AMOT: variants seen among roughly 807,000 people sequenced by gnomAD.
The protein encoded by AMOT is angiomotin.
In AMOT, 11 loss-of-function variants were observed where a neutral mutation model predicts 67.0. The observed-to-expected ratio is 0.16, with a 90% CI of 0.10 to 0.27. The LOEUF (loss-of-function observed/expected upper bound fraction) is 0.27, where lower values mean the gene tolerates loss of function less well. AMOT is among the 10% of genes least tolerant of loss of function. AMOT has a pLI of 1.00. For synonymous variants in AMOT, 326 were observed against 321.4 expected, an observed-to-expected ratio of 1.01 and a Z score of -0.15; for missense variants, 753 against 852.0, an observed-to-expected ratio of 0.88 and a Z score of 1.45.
At position 112,784,086 on chromosome X, in the gene AMOT, A is replaced by G. The variant is rs185585627; in HGVS notation, c.2118-1424T>C. On this transcript the variant is annotated intron_variant, in intron 10 of 13. Transcript: ENST00000371959. ...TATGGAATGATGAAATAATTGGAGA[A>G]CAAGAAGGGGAAAGAATACAATGGC... 1.0e-3 allele frequency among the ~76,000 whole-genome samples: 114 copies of G among 112,376 alleles called. 2 individuals are homozygous for G. The highest frequency in any genetic ancestry group is 9.5e-3 in the Admixed American group (101 of 10,595).
intron 1 of AMOT, among the ~76,000 whole-genome samples, chrX:112,837,705 A>C (rs540585237): frequency 5.4e-5 from 6 of 111,412 alleles, no homozygotes; most frequent in African/African-American, 1.6e-4. Context: ...ATTTGGACCA[A>C]AGTCCACAAA....
At chrX:112,804,898 T>TC in intron 8 of AMOT, 49 bp downstream of exon 8, 1 of 837,584 alleles carries the variant, frequency 1.2e-6, no homozygotes, top group Non-Finnish European at 1.7e-6. Context: ...GTCCCCGATT[T>TC]CCCAGCCCTC....
intron 7 of AMOT, among the ~76,000 whole-genome samples, chrX:112,807,916 A>G (rs1307324479): frequency 9.0e-6 from 1 of 111,486 alleles, no homozygotes; most frequent in Non-Finnish European, 1.9e-5. Flanking sequence ...CATGTTTCTG[A>G]ATCAAATCAT....
chrX:112,836,151 G>A (rs922252673), intron 1 of AMOT, among the ~76,000 whole-genome samples: 1 of 111,642 alleles, frequency 9.0e-6, no homozygotes, highest in African/African-American at 3.3e-5. Context: ...TCTCATTCTG[G>A]AGATTTCATA....
In AMOT at chrX:112,815,742, G is replaced by T; in HGVS notation, c.1008C>A (p.His336Gln). ...PPSTRLSPAR[H>Q]PLVPNQGDHS... ...GGTCTCCCTGGTTTGGGACCAAGGG[G>T]TGTCGGGCAGGAGACAATCTAGTGG... The change falls in exon 5 of 14, where the codon CAC (histidine) becomes CAA (glutamine). Residue 336 changes from histidine (H) to glutamine (Q), a missense_variant. By Grantham distance (24) the His-to-Gln change is conservative (BLOSUM62 0). Coordinates refer to ENST00000371959, the MANE Select transcript of AMOT (RefSeq NM_001113490.2). 1 of 1,167,694 alleles carries T rather than the reference G, an allele frequency of 8.6e-7. No individual in the cohort carries two copies. Among genetic ancestry groups the T allele is most frequent in the Non-Finnish European group, 1.1e-6 (1 of 873,081 alleles).
At chrX:112,809,063 T>A (rs145316740) in intron 7 of AMOT, among the ~76,000 whole-genome samples, 1 of 111,277 alleles carries the variant, frequency 9.0e-6, no homozygotes, top group South Asian at 3.8e-4. Flanking sequence ...TGGAAGAGAA[T>A]GGCAAATCCC....
intron 8 of AMOT, among the ~76,000 whole-genome samples, chrX:112,794,293 G>A (rs1032150919): frequency 3.6e-5 from 4 of 111,600 alleles, no homozygotes; most frequent in African/African-American, 9.8e-5. Flanking sequence ...TGCAATAAAG[G>A]CCTGGGGAGT....
chrX:112,825,415 C>T (rs1351708185), intron 2 of AMOT, among the ~76,000 whole-genome samples, 195 bp from the exon 3 acceptor site: 5 of 111,596 alleles, frequency 4.5e-5, no homozygotes, highest in African/African-American at 6.5e-5. Context: ...TAGCTGTGTC[C>T]GGAAGGCCAG....
In AMOT at chrX:112,822,852, A is replaced by G; in HGVS notation, c.275T>C (p.Met92Thr). 1 of 1,167,893 alleles carries G rather than the reference A, an allele frequency of 8.6e-7. No individual in the cohort carries two copies. Among genetic ancestry groups the G allele is most frequent in the Non-Finnish European group, 1.1e-6 (1 of 873,103 alleles). The change falls in exon 4 of 14, where the codon ATG becomes ACG. Residue 92 changes from methionine to threonine, a missense_variant. By Grantham distance (81) the Met-to-Thr change is moderately conservative (BLOSUM62 -1). Coordinates refer to ENST00000371959, the MANE Select transcript of AMOT (RefSeq NM_001113490.2). ...CATTCGAGGAGACAGCTGCTTCTCC[A>G]TGATGAGGTTTTCTGACTGGATTTC... ...GQEIQSENLI[M>T]EKQLSPRMQN...
intron 2 of AMOT, among the ~76,000 whole-genome samples, chrX:112,830,567 T>G (rs1453861781): frequency 8.9e-6 from 1 of 112,291 alleles, no homozygotes; most frequent in Non-Finnish European, 1.9e-5. Context: ...CAGAGTCCCA[T>G]GAAATCCCTC....
rs57201849 is a variant in AMOT, at chrX:112,809,910, C to T, written c.1614G>A (p.Ser538=). The T allele has an allele frequency of 3.5e-3, 4,215 of 1,209,437 alleles. 67 individuals are homozygous for T. The African/African-American group carries it at 0.057, about 16-fold the overall frequency. ...EGSEDTRKTI[S]QLFAKNKESQ... ...CAGACTTACTTTTTGCAAAGAGCTG[C>T]GAGATGGTTTTTCTGGTGTCCTCTG... is the stretch of plus-strand genomic sequence containing the variant. The change falls in exon 7 of 14, where the codon TCG becomes TCA. Residue 538 remains serine, a synonymous_variant. Coordinates refer to ENST00000371959, the MANE Select transcript of AMOT (RefSeq NM_001113490.2).
intron 7 of AMOT, among the ~76,000 whole-genome samples, chrX:112,807,826 A>G (rs1323532839): frequency 1.8e-5 from 2 of 112,429 alleles, no homozygotes; most frequent in Admixed American, 9.4e-5. Flanking sequence ...AAAACCTTTC[A>G]TTGTGATACA....
chrX:112,806,365 G>GTATA (rs59265644), intron 7 of AMOT, among the ~76,000 whole-genome samples: 45 of 100,012 alleles, frequency 4.5e-4, no homozygotes, highest in African/African-American at 1.4e-3. Context: ...AAACGTGTGT[G>GTATA]TATATATATA....
At position 112,791,996 on chromosome X, in the gene AMOT, T is replaced by G. The variant is rs758368571; in HGVS notation, c.1777-15A>C. ...TTCTTTTTCAGCTGGAAATCCATGTTGGGTAATTTGCAAGGTGAAAGGAAA... is the reference window on the plus strand; with the variant it reads ...TTCTTTTTCAGCTGGAAATCCATGTGGGGTAATTTGCAAGGTGAAAGGAAA... On this transcript the variant is annotated splice_polypyrimidine_tract_variant and intron_variant, in intron 8 of 13. Transcript: ENST00000371959. 11 of 1,208,023 alleles carry G rather than the reference T, an allele frequency of 9.1e-6. No homozygotes were observed. Among genetic ancestry groups the G allele is most frequent in the Non-Finnish European group, 1.2e-5 (11 of 893,901 alleles).
intron 1 of AMOT, among the ~76,000 whole-genome samples, chrX:112,835,965 ATGG>A (rs1867329436): frequency 8.9e-6 from 1 of 112,115 alleles, no homozygotes; most frequent in African/African-American, 3.2e-5. Context: ...ATTTGACTAC[ATGG>A]TGAAGACCTC....
chrX:112,830,019 T>C (rs1178650780), intron 2 of AMOT, among the ~76,000 whole-genome samples: 1 of 111,900 alleles, frequency 8.9e-6, no homozygotes, highest in African/African-American at 3.3e-5. Flanking sequence ...GCTGCCTGCT[T>C]GACCAATCTT....
intron 11 of AMOT, 98 bp from the exon 12 acceptor site, chrX:112,781,216 C>T (rs1311774683): frequency 1.4e-5 from 11 of 799,036 alleles, no homozygotes; most frequent in East Asian, 3.2e-5. Flanking sequence ...CCGAGGTGGG[C>T]GGATTGCAAA....
At chrX:112,794,819 G>GA (rs1219696161) in intron 8 of AMOT, among the ~76,000 whole-genome samples, 3 of 111,600 alleles carry the variant, frequency 2.7e-5, no homozygotes, top group South Asian at 3.8e-4. Context: ...CTTTTTTAGA[G>GA]AAAAATTAAT....
At chrX:112,827,121 T>C (rs1422878155) in intron 2 of AMOT, among the ~76,000 whole-genome samples, 1 of 112,646 alleles carries the variant, frequency 8.9e-6, no homozygotes, top group African/African-American at 3.2e-5. Flanking sequence ...TCTCCCAAGG[T>C]GTTGGGATTA....
Sources: allele counts gnomAD v4.1 joint callset (sites outside exome capture counted in the v4.1 genomes callset), GRCh38; gene constraint gnomAD v4.1.1; transcripts MANE v1.5; gene names NCBI Gene and HGNC (gene_info 2026-07-23, HGNC 2026-07-21).